The following HS2ST1 variants were observed in gnomAD, a reference collection of about 807,000 sequenced individuals.
HS2ST1 encodes the protein heparan sulfate 2-O-sulfotransferase 1.
In HS2ST1, 18 loss-of-function variants were observed where a neutral mutation model predicts 42.9. The observed-to-expected ratio is 0.42, with a 90% CI of 0.29 to 0.62. The LOEUF (loss-of-function observed/expected upper bound fraction) is 0.62. Among genes scored for constraint, HS2ST1 ranks in the 20% least tolerant of loss-of-function variants. The pLI is 0.21. For synonymous variants in HS2ST1, 146 were observed against 152.9 expected, an observed-to-expected ratio of 0.95 and a Z score of 0.33; for missense variants, 334 against 433.8, an observed-to-expected ratio of 0.77 and a Z score of 2.04.
At chr1:87,040,287 T>G (rs1307729781) in intron 1 of HS2ST1, among the ~76,000 whole-genome samples, 1 of 152,166 alleles carries the variant, frequency 6.6e-6, no homozygotes, top group Non-Finnish European at 1.5e-5. Context: ...CCCCGCTCCC[T>G]GAACAGAGAG....
intron 1 of HS2ST1, among the ~76,000 whole-genome samples, chr1:87,021,668 A>G (rs1649956948): frequency 6.6e-6 from 1 of 152,078 alleles, no homozygotes; most frequent in African/African-American, 2.4e-5. Context: ...GGTGCATACC[A>G]CCACACCCAG....
chr1:87,099,703 A>G (rs1371536577), intron 5 of HS2ST1, among the ~76,000 whole-genome samples: 3 of 152,200 alleles, frequency 2.0e-5, no homozygotes, highest in Admixed American at 2.0e-4. Context: ...CATTAACTCA[A>G]AAGTCCCAAG....
chr1:87,045,023 G>A (rs2100607972), intron 1 of HS2ST1: 1 of 1,455,034 alleles, frequency 6.9e-7, no homozygotes, highest in Non-Finnish European at 9.6e-7. Context: ...ATTTCCTCTT[G>A]CGGCTTCTCT....
At chr1:87,056,278 T>C (rs930732024) in intron 1 of HS2ST1, among the ~76,000 whole-genome samples, 1 of 152,192 alleles carries the variant, frequency 6.6e-6, no homozygotes, top group Non-Finnish European at 1.5e-5. Context: ...TCCTCCATCA[T>C]TTTTTGATAC....
chr1:86,935,664 G>A (rs368956270), intron 1 of HS2ST1, among the ~76,000 whole-genome samples: 4 of 151,552 alleles, frequency 2.6e-5, no homozygotes, highest in Admixed American at 2.6e-4. Flanking sequence ...GGGTTTTGCC[G>A]TGTTGACCAG....
intron 1 of HS2ST1, among the ~76,000 whole-genome samples, chr1:86,959,588 G>A (rs999396948): frequency 5.3e-5 from 8 of 152,188 alleles, no homozygotes; most frequent in African/African-American, 1.7e-4. Flanking sequence ...AACCTGGGAG[G>A]TGGATGTTGC....
chr1:87,001,870 C>T (rs928489170), intron 1 of HS2ST1, among the ~76,000 whole-genome samples: 1 of 152,096 alleles, frequency 6.6e-6, no homozygotes, highest in African/African-American at 2.4e-5. Context: ...ACATCGGCCT[C>T]CCAAAGTGCT....
intron 5 of HS2ST1, chr1:87,098,238 T>G (rs1054643): frequency 0.81 from 644,417 of 796,100 alleles, 260,465 homozygotes; most frequent in East Asian, 0.97. Flanking sequence ...TGGGGGTGGG[T>G]GTCATAAATC....
intron 1 of HS2ST1, among the ~76,000 whole-genome samples, chr1:86,970,815 G>A (rs769349273): frequency 5.9e-5 from 9 of 152,012 alleles, no homozygotes; most frequent in Non-Finnish European, 1.2e-4. Flanking sequence ...ATAATTTAAG[G>A]GTGGTACAGA....
At chr1:86,972,680 C>T (rs2102211006) in intron 1 of HS2ST1, among the ~76,000 whole-genome samples, 1 of 152,308 alleles carries the variant, frequency 6.6e-6, no homozygotes, top group Middle Eastern at 3.4e-3. Context: ...GGATAGGGTG[C>T]TGGGACTACT....
At chr1:86,962,648 C>G (rs1269522255) in intron 1 of HS2ST1, among the ~76,000 whole-genome samples, 6 of 152,186 alleles carry the variant, frequency 3.9e-5, no homozygotes, top group Admixed American at 1.3e-4. Context: ...TTCAGCTAGA[C>G]AGCTGTGATT....
intron 1 of HS2ST1, among the ~76,000 whole-genome samples, chr1:86,998,244 C>T (rs1289254009): frequency 6.6e-6 from 1 of 152,166 alleles, no homozygotes; most frequent in Non-Finnish European, 1.5e-5. Context: ...AAAATGTCCT[C>T]AGGATTGACC....
At chr1:86,951,329 T>C (rs1025111141) in intron 1 of HS2ST1, among the ~76,000 whole-genome samples, 1 of 152,158 alleles carries the variant, frequency 6.6e-6, no homozygotes, top group African/African-American at 2.4e-5. Context: ...ATATTTGTTA[T>C]AAAAACAGGC....
chr1:86,982,820 T>C (rs1378660701), intron 1 of HS2ST1, among the ~76,000 whole-genome samples: 1 of 152,122 alleles, frequency 6.6e-6, no homozygotes, highest in Non-Finnish European at 1.5e-5. Flanking sequence ...GGCCGCCATG[T>C]CACCTCTTGA....
chr1:86,949,148 G>A (rs921883020), intron 1 of HS2ST1, among the ~76,000 whole-genome samples: 12 of 151,970 alleles, frequency 7.9e-5, no homozygotes, highest in African/African-American at 2.4e-4. Flanking sequence ...TTGCTCTTTC[G>A]CTCAGGCCGG....
intron 1 of HS2ST1, among the ~76,000 whole-genome samples, chr1:86,945,982 T>C (rs1647320630): frequency 6.6e-6 from 1 of 152,184 alleles, no homozygotes; most frequent in African/African-American, 2.4e-5. Flanking sequence ...TACTGAAAGC[T>C]GTATGTTCAA....
chr1:87,101,535 T>C (rs944921238), intron 5 of HS2ST1, among the ~76,000 whole-genome samples: 40 of 152,298 alleles, frequency 2.6e-4, no homozygotes, highest in African/African-American at 9.4e-4. Context: ...AGTTCTTTGC[T>C]AAGGCATAAC....
chr1:86,924,282 C>T (rs921930409), intron 1 of HS2ST1, among the ~76,000 whole-genome samples: 2 of 152,244 alleles, frequency 1.3e-5, no homozygotes, highest in African/African-American at 4.8e-5. Flanking sequence ...TAGCCCCCCA[C>T]TCCTGGCTAC....
intron 1 of HS2ST1, chr1:86,993,075 CCTG>C: frequency 6.3e-7 from 1 of 1,593,586 alleles, no homozygotes; most frequent in Non-Finnish European, 8.6e-7. Flanking sequence ...CCAAGTCTTT[CCTG>C]TACATGCTGT....
Sources: gnomAD v4.1 joint callset for allele counts (sites outside exome capture counted in the v4.1 genomes callset) on GRCh38, gnomAD v4.1.1 for gene constraint, MANE v1.5 for transcripts, NCBI Gene and HGNC (gene_info 2026-07-23, HGNC 2026-07-21) for gene names.